The following RSU1 variants were observed in gnomAD, a reference collection of about 807,000 sequenced individuals.
RSU1 encodes Ras suppressor protein 1, also known as rsu-1.
A neutral mutation model predicts 31.1 loss-of-function variants in RSU1; 26 were observed. That is an observed-to-expected ratio of 0.84 (90% CI 0.61 to 1.16). The LOEUF is 1.16. Among genes scored for constraint, RSU1 ranks in the 50% most tolerant of loss-of-function variants. The probability of loss-of-function intolerance (pLI) is 0.00; values close to 1 mark genes in which losing one functional copy is unlikely to be tolerated. For missense variants in RSU1, 320 were observed against 339.1 expected (o/e 0.94, Z 0.44); for synonymous variants, 164 against 136.3 (o/e 1.20, Z -1.41).
intron 8 of RSU1, among the ~76,000 whole-genome samples, chr10:16,623,246 C>A (rs547916897): frequency 1.3e-5 from 2 of 152,248 alleles, no homozygotes; most frequent in South Asian, 4.1e-4. Context: ...TCCATGAAGA[C>A]CAATGTTTAG....
chr10:16,687,088 G>A (rs959974984), intron 8 of RSU1, among the ~76,000 whole-genome samples: 7 of 152,190 alleles, frequency 4.6e-5, no homozygotes, highest in Non-Finnish European at 7.4e-5. Context: ...AGAAAGCAAC[G>A]TGGATATGGG....
chr10:16,772,503 G>A (rs1837440508), intron 3 of RSU1, among the ~76,000 whole-genome samples: 1 of 152,074 alleles, frequency 6.6e-6, no homozygotes, highest in African/African-American at 2.4e-5. Flanking sequence ...CTGGGAGGGA[G>A]AGGCAGCACT....
At chr10:16,666,046 G>A (rs2131532021) in intron 8 of RSU1, among the ~76,000 whole-genome samples, 1 of 152,080 alleles carries the variant, frequency 6.6e-6, no homozygotes, top group Non-Finnish European at 1.5e-5. Flanking sequence ...CACTATTTTT[G>A]ACCCTATGAT....
chr10:16,647,487 ACC>A (rs1362064499), intron 8 of RSU1, among the ~76,000 whole-genome samples: 1 of 152,212 alleles, frequency 6.6e-6, no homozygotes, highest in Non-Finnish European at 1.5e-5. Flanking sequence ...AGCCAGAATA[ACC>A]CAAATATCCA....
At chr10:16,616,171 GA>G (rs1445913075) in intron 8 of RSU1, among the ~76,000 whole-genome samples, 4 of 151,590 alleles carry the variant, frequency 2.6e-5, no homozygotes, top group East Asian at 1.9e-4. Context: ...ATAAAAAGGG[GA>G]TATCACCCCT....
intron 8 of RSU1, among the ~76,000 whole-genome samples, chr10:16,662,197 A>G (rs150105638): frequency 1.2e-3 from 176 of 152,364 alleles, no homozygotes; most frequent in African/African-American, 3.4e-3. Context: ...AGCTGGTATA[A>G]CACAATACAT....
intron 3 of RSU1, among the ~76,000 whole-genome samples, chr10:16,772,347 A>T (rs1837438365): frequency 6.6e-6 from 1 of 152,188 alleles, no homozygotes; most frequent in South Asian, 2.1e-4. Context: ...TTAATGCCTG[A>T]ATCTTGTGTT....
At chr10:16,728,043 T>C (rs1836433126) in intron 7 of RSU1, among the ~76,000 whole-genome samples, 3 of 152,350 alleles carry the variant, frequency 2.0e-5, no homozygotes. Context: ...CAACAAATTG[T>C]ATCTTTCAAA....
intron 1 of RSU1, 71 bp from the exon 2 acceptor site, chr10:16,817,155 G>A: frequency 3.6e-6 from 4 of 1,101,500 alleles, no homozygotes; most frequent in Non-Finnish European, 5.6e-6. Context: ...AGAGGCCTTC[G>A]CTGCCACTCT....
At chr10:16,600,806 C>T (rs1833704732) in intron 8 of RSU1, among the ~76,000 whole-genome samples, 1 of 152,132 alleles carries the variant, frequency 6.6e-6, no homozygotes, top group Non-Finnish European at 1.5e-5. Context: ...AAGCAATCCT[C>T]TCACCTCACA....
intron 8 of RSU1, among the ~76,000 whole-genome samples, chr10:16,638,573 T>A (rs1484977878): frequency 6.6e-6 from 1 of 152,192 alleles, no homozygotes; most frequent in Non-Finnish European, 1.5e-5. Flanking sequence ...GGGGGCTCTT[T>A]GAGAGGTTCG....
At chr10:16,677,957 T>A (rs1835263988) in intron 8 of RSU1, among the ~76,000 whole-genome samples, 1 of 151,698 alleles carries the variant, frequency 6.6e-6, no homozygotes, top group Non-Finnish European at 1.5e-5. Context: ...ACACACGTCA[T>A]CTTAGTTGAC....
chr10:16,665,470 A>C (rs1206268318), intron 8 of RSU1, among the ~76,000 whole-genome samples: 1 of 152,220 alleles, frequency 6.6e-6, no homozygotes, highest in Non-Finnish European at 1.5e-5. Flanking sequence ...CAATGCATTA[A>C]ATTCTCAACA....
chr10:16,711,830 T>C (rs1305514807), intron 7 of RSU1, among the ~76,000 whole-genome samples: 2 of 152,228 alleles, frequency 1.3e-5, no homozygotes, highest in Non-Finnish European at 2.9e-5. Flanking sequence ...GAATGTTTCA[T>C]GTGTAATTGA....
chr10:16,704,895 G>C (rs989686411), intron 7 of RSU1, among the ~76,000 whole-genome samples: 2 of 152,014 alleles, frequency 1.3e-5, no homozygotes, highest in Non-Finnish European at 1.5e-5. Flanking sequence ...TCATTTTCAT[G>C]ATTTTTAAGG....
At chr10:16,809,202 G>C (rs1838347801) in intron 2 of RSU1, among the ~76,000 whole-genome samples, 1 of 152,192 alleles carries the variant, frequency 6.6e-6, no homozygotes, top group East Asian at 1.9e-4. Flanking sequence ...TGCTCAATGG[G>C]GACACTGCAA....
intron 8 of RSU1, among the ~76,000 whole-genome samples, chr10:16,638,030 G>C (rs571472111): frequency 6.6e-6 from 1 of 152,268 alleles, no homozygotes; most frequent in African/African-American, 2.4e-5. Flanking sequence ...TAAATCACCT[G>C]AACATACCTT....
chr10:16,642,412 T>A lies in RSU1; in HGVS notation c.732-48916A>T, dbSNP rs957696190. ...TCTCACCTTGGACTCTGGTTAGCAA[T>A]AGGAATCTATTACCAGTGATAGATT... On this transcript the variant is annotated intron_variant, in intron 8 of 8. Transcript: ENST00000345264. Among the ~76,000 whole-genome samples, 10 of 152,184 alleles carry A rather than the reference T, an allele frequency of 6.6e-5. 1 individual carries two copies. The highest frequency in any genetic ancestry group is 6.5e-4 in the Admixed American group (10 of 15,290).
chr10:16,662,000 T>C (rs971445176), intron 8 of RSU1, among the ~76,000 whole-genome samples: 2 of 152,244 alleles, frequency 1.3e-5, no homozygotes, highest in Admixed American at 1.3e-4. Flanking sequence ...CTGGTCCTCA[T>C]GAACTATCAT....
Sources: allele counts gnomAD v4.1 joint callset (sites outside exome capture counted in the v4.1 genomes callset), GRCh38; gene constraint gnomAD v4.1.1; transcripts MANE v1.5; gene names NCBI Gene and HGNC (gene_info 2026-07-23, HGNC 2026-07-21).